KCNQ2: variants seen among roughly 807,000 people sequenced by gnomAD.
KCNQ2 encodes the protein potassium voltage-gated channel subfamily Q member 2.
In KCNQ2, 14 loss-of-function variants were observed where a neutral mutation model predicts 84.8. The observed-to-expected ratio is 0.17, with a 90% CI of 0.11 to 0.26. The LOEUF is 0.26. Among genes scored for constraint, KCNQ2 ranks in the 10% least tolerant of loss-of-function variants. The pLI, the probability that KCNQ2 is intolerant of heterozygous loss-of-function variation, is 1.00. For synonymous variants in KCNQ2, 599 were observed against 554.1 expected (o/e 1.08, Z -1.14); for missense variants, 788 against 1,254.0 (o/e 0.63, Z 5.61).
Position 63,428,402 on chromosome 20 carries a change from C to T in KCNQ2, c.1182G>A (p.Leu394=). The T allele has an allele frequency of 6.3e-7, 1 of 1,587,238 alleles. No individual in the cohort carries two copies. The highest frequency in any genetic ancestry group is 8.6e-7 in the Non-Finnish European group (1 of 1,167,262). ...GTCCAGATTTACTCTTGAGGTTCCT[C>T]AGCAGCTCCAGCTGGTTCAGCGGGG... ...LIPPLNQLEL[L]RNLKSKSGLA... The change falls in exon 10 of 17, where the codon CTG becomes CTA. Residue 394 remains leucine (L), a synonymous_variant. Transcript: ENST00000359125.
rs1240682548 is a variant in KCNQ2, at chr20:63,412,965, A to C, written c.1763+485T>G. Among the ~76,000 whole-genome samples the C allele has an allele frequency of 2.6e-5, 4 of 152,208 alleles. No individual in the cohort carries two copies. In the East Asian group the frequency reaches 7.7e-4, roughly 29 times the overall value. ...AGGGCAGGTAGAAGAAAAGGTGCCA[A>C]GTAGCATAACTGATGCCTGGTGGGG... On this transcript the variant is annotated intron_variant, in intron 15 of 16. Transcript: ENST00000359125.
At chr20:63,435,084 C>T (rs2080953922) in intron 7 of KCNQ2, among the ~76,000 whole-genome samples, 1 of 152,202 alleles carries the variant, frequency 6.6e-6, no homozygotes, top group Admixed American at 6.5e-5. Context: ...ATCCTCACTA[C>T]GCTGATTTGC....
At chr20:63,440,484 A>G (rs191194289) in intron 5 of KCNQ2, among the ~76,000 whole-genome samples, 1,627 of 152,268 alleles carry the variant, frequency 0.011, 29 homozygotes, top group African/African-American at 0.037. Context: ...AACCGCACGC[A>G]CCACAAGCCA....
intron 1 of KCNQ2, among the ~76,000 whole-genome samples, chr20:63,470,702 G>C (rs534083160): frequency 8.5e-5 from 13 of 152,254 alleles, no homozygotes; most frequent in African/African-American, 3.1e-4. Flanking sequence ...ACCCTCCTCC[G>C]GGGAGTCACC....
chr20:63,415,584 C>T (rs1482323201), intron 12 of KCNQ2, among the ~76,000 whole-genome samples: 1 of 151,948 alleles, frequency 6.6e-6, no homozygotes, highest in Non-Finnish European at 1.5e-5. Context: ...GGGTGGGCAG[C>T]AAGCTCCCCC....
Position 63,438,805 on chromosome 20 carries a change from ACCC to A in KCNQ2, c.928-88_928-86del, listed in dbSNP as rs935971274. On this transcript the variant is annotated intron_variant, in intron 6 of 16. Coordinates refer to ENST00000359125, the MANE Select transcript of KCNQ2 (RefSeq NM_172107.4). The surrounding 1 kb of genome is among the most constrained non-coding windows in gnomAD (Gnocchi z 5.1). ...GTCAGACCATGCTCTGGGGCCCCAC[ACCC>A]CCCCCAATTCATCAGGGTCAGACCA... 1.1e-6 allele frequency: 1 copy of A among 900,780 alleles called. No homozygotes were observed. Among genetic ancestry groups the A allele is most frequent in the Non-Finnish European group, 1.7e-6 (1 of 606,020 alleles). 55.8% of individuals were successfully genotyped at this position (900,780 alleles called of 1,614,324 possible). A position where few individuals can be genotyped will look rare whatever the true frequency, so the allele number is the denominator to read the frequency against.
chr20:63,451,050 A>C (rs992019561), intron 1 of KCNQ2, among the ~76,000 whole-genome samples: 1 of 151,744 alleles, frequency 6.6e-6, no homozygotes, highest in Non-Finnish European at 1.5e-5. Context: ...AGGCAGAAGA[A>C]TCGCTTGAAC....
chr20:63,424,122 A>C (rs1411601939), intron 11 of KCNQ2, 55 bp downstream of exon 11: 1 of 1,544,452 alleles, frequency 6.5e-7, no homozygotes. Flanking sequence ...TGTGGGAGAG[A>C]GACCAGACGG....
intron 8 of KCNQ2, 138 bp downstream of exon 8, chr20:63,433,671 A>G (rs2080896175): frequency 2.0e-6 from 3 of 1,531,424 alleles, no homozygotes; most frequent in South Asian, 1.1e-5. Flanking sequence ...TAAACCACAC[A>G]CAGAACTCCT....
At chr20:63,423,698 G>A (rs12480884) in intron 11 of KCNQ2, 6,934 of 158,248 alleles carry the variant, frequency 0.044, 253 homozygotes, top group Admixed American at 0.11. Context: ...CTCCTCGGAG[G>A]ACGAGGGGCC....
rs1246063881 is a variant in KCNQ2, at chr20:63,422,997, C to T, written c.1247+1180G>A. 2.6e-5 allele frequency among the ~76,000 whole-genome samples: 4 copies of T among 152,098 alleles called. No individual in the cohort carries two copies. The East Asian group carries it at 7.7e-4, about 29-fold the overall frequency. On this transcript the variant is annotated intron_variant, in intron 11 of 16. Coordinates refer to ENST00000359125, the MANE Select transcript of KCNQ2 (RefSeq NM_172107.4). The stretch of plus-strand genomic sequence containing the variant: ...CACAGTGCTCATCCCCACAGCCACT[C>T]CCAGCCTCAGGGCCAGCAGCAGGGG...
chr20:63,464,665 T>C (rs1258404174), intron 1 of KCNQ2, among the ~76,000 whole-genome samples: 1 of 152,164 alleles, frequency 6.6e-6, no homozygotes, highest in East Asian at 1.9e-4. Context: ...GCCATGGCCC[T>C]GCGCCCCACA....
intron 15 of KCNQ2, among the ~76,000 whole-genome samples, chr20:63,413,111 C>G (rs368562766): frequency 6.6e-6 from 1 of 152,156 alleles, no homozygotes; most frequent in African/African-American, 2.4e-5. Flanking sequence ...AGCAGAGCCA[C>G]ACGTGCATAC....
chr20:63,407,966 T>TA lies in KCNQ2; in HGVS notation c.1887+446dup, dbSNP rs1304000520. The TA allele has an allele frequency of 1.6e-5, 4 of 252,320 alleles. No homozygotes were observed. Among genetic ancestry groups the TA allele is most frequent in the Admixed American group, 9.9e-5 (2 of 20,110 alleles). The allele number at this position is 252,320 out of a possible 1,614,324, so 15.6% of individuals were successfully genotyped here. On this transcript the variant is annotated intron_variant, in intron 16 of 16. Transcript: ENST00000359125. This position sits in a 1 kb window ranked among gnomAD's most constrained non-coding sequence, Gnocchi z 7.2. ...CACAGGGCAGGACCTGGCAGTTCCT[T>TA]ACTCACTGCTCAGGCCCGGCTCTCA...
Position 63,400,943 on chromosome 20 carries a change from A to T in KCNQ2, c.*5701T>A. On this transcript the variant is annotated 3_prime_UTR_variant, in exon 17 of 17. Coordinates refer to ENST00000359125, the MANE Select transcript of KCNQ2 (RefSeq NM_172107.4). This position sits in a 1 kb window ranked among gnomAD's most constrained non-coding sequence, Gnocchi z 8.7. ...GCGACCTCAGGGAGTTCCTGTCCACATGCATTAAGGCAACGACTTTGTAAA... is the reference window on the plus strand; with the variant it reads ...GCGACCTCAGGGAGTTCCTGTCCACTTGCATTAAGGCAACGACTTTGTAAA... The T allele has an allele frequency of 2.5e-6, 1 of 398,110 alleles. No homozygotes were observed. The highest frequency in any genetic ancestry group is 4.4e-6 in the Non-Finnish European group (1 of 225,710). The allele number at this position is 398,110 out of a possible 1,614,324, so 24.7% of individuals were successfully genotyped here. A position where few individuals can be genotyped will look rare whatever the true frequency, so the allele number is the denominator to read the frequency against.
intron 12 of KCNQ2, among the ~76,000 whole-genome samples, chr20:63,416,775 C>T (rs1440404109): frequency 6.6e-6 from 1 of 152,116 alleles, no homozygotes. Flanking sequence ...CACCAGACGG[C>T]ACAGAGATAA....
rs903555499 is a variant in KCNQ2 at position 63,406,932 on chromosome 20, G to A, written c.2331C>T (p.Pro777=). The A allele has an allele frequency of 5.0e-6, 8 of 1,599,596 alleles. No individual in the cohort carries two copies. Among genetic ancestry groups the A allele is most frequent in the Admixed American group, 1.7e-5 (1 of 58,994 alleles). The part of the protein sequence containing the change: ...RQEDTPGCRP[P]EGNLRDSDTS... ...TGTCGCTGTCCCGCAGGTTCCCCTC[G>A]GGGGGCCTGCAGCCCGGGGTGTCCT... is the stretch of plus-strand genomic sequence containing the variant. Residue 777 remains proline, a synonymous_variant, in exon 17 of 17, where the codon CCC becomes CCT. Coordinates refer to ENST00000359125, the MANE Select transcript of KCNQ2 (RefSeq NM_172107.4).
At position 63,408,794 on chromosome 20, in the gene KCNQ2, C is replaced by T. The variant is rs370269374; in HGVS notation, c.1764-258G>A. On this transcript the variant is annotated intron_variant, in intron 15 of 16. Coordinates refer to ENST00000359125, the MANE Select transcript of KCNQ2 (RefSeq NM_172107.4). The surrounding 1 kb of genome is among the most constrained non-coding windows in gnomAD (Gnocchi z 5.0). ...ACATTAGCGAGGAGTAAAGTAAGGA[C>T]GCTCCCACCAGGGCCGAGTCGCCCG... Among the ~76,000 whole-genome samples, 6 of 152,220 alleles carry T rather than the reference C, an allele frequency of 3.9e-5. No homozygotes were observed. The highest frequency in any genetic ancestry group is 1.9e-4 in the East Asian group (1 of 5,194).
chr20:63,446,484 G>C lies in KCNQ2; in HGVS notation c.387+263C>G, dbSNP rs1230446714. ...AGGGAGGGTGGCCCACCCAGGGTGG[G>C]GGCGATGGAGGCGGGGCTGTCAGCC... is the stretch of plus-strand genomic sequence containing the variant. On this transcript the variant is annotated intron_variant, in intron 2 of 16. Transcript: ENST00000359125. This position sits in a 1 kb window ranked among gnomAD's most constrained non-coding sequence, Gnocchi z 5.5. Among the ~76,000 whole-genome samples the C allele has an allele frequency of 2.6e-5, 4 of 152,190 alleles. No individual in the cohort carries two copies. The highest frequency in any genetic ancestry group is 9.7e-5 in the African/African-American group (4 of 41,448).
Sources: allele counts gnomAD v4.1 joint callset (sites outside exome capture counted in the v4.1 genomes callset), GRCh38; gene constraint gnomAD v4.1.1; non-coding constraint Gnocchi (gnomAD v3.1); transcripts MANE v1.5; gene names NCBI Gene and HGNC (gene_info 2026-07-23, HGNC 2026-07-21).